Variants in CSMD1 observed in about 807,000 individuals in gnomAD.
CSMD1 encodes CUB and Sushi multiple domains 1, also known as CUB and sushi domain-containing protein 1.
In CSMD1, 213 loss-of-function variants were observed where a neutral mutation model predicts 417.5. The ratio of observed to expected loss-of-function variants is 0.51; its 90% confidence interval spans 0.46 to 0.57. CSMD1 has a LOEUF of 0.57. CSMD1 is among the 20% of genes least tolerant of loss of function. The probability of loss-of-function intolerance (pLI) is 0.00; values close to 1 mark genes in which losing one functional copy is unlikely to be tolerated. For synonymous variants in CSMD1, 2,862 were observed against 1,736.8 expected (o/e 1.65, Z -16.11); for missense variants, 6,923 against 4,529.7 (o/e 1.53, Z -15.17).
intron 23 of CSMD1, among the ~76,000 whole-genome samples, chr8:3,309,342 C>A (rs959645040): frequency 8.2e-6 from 1 of 121,726 alleles, no homozygotes; most frequent in East Asian, 2.0e-4. Context: ...AACTGGCGCT[C>A]CTGAATTACT....
At chr8:4,194,527 C>T (rs992487338) in intron 3 of CSMD1, among the ~76,000 whole-genome samples, 1 of 152,142 alleles carries the variant, frequency 6.6e-6, no homozygotes, top group Non-Finnish European at 1.5e-5. Flanking sequence ...AGCATCTCAA[C>T]AACTATTTTT....
At position 4,221,587 on chromosome 8, in the gene CSMD1, A is replaced by G. The variant is rs989073789; in HGVS notation, c.416-189488T>C. Among the ~76,000 whole-genome samples the G allele has an allele frequency of 7.2e-5, 11 of 152,264 alleles. No homozygotes were observed. In the East Asian group the frequency reaches 1.2e-3, roughly 16 times the overall value. On this transcript the variant is annotated intron_variant, in intron 3 of 69. Coordinates refer to ENST00000635120, the MANE Select transcript of CSMD1 (RefSeq NM_033225.6). ...GATGTGTGTCAAAACATGTGAAAAC[A>G]GTGCTCCAAAAAAAAGACCTCTGAG...
chr8:4,148,057 A>G (rs951476806), intron 3 of CSMD1, among the ~76,000 whole-genome samples: 1 of 152,126 alleles, frequency 6.6e-6, no homozygotes, highest in Non-Finnish European at 1.5e-5. Context: ...GTAAAGAAAT[A>G]TACAAGCAGG....
In CSMD1 at chr8:3,382,639, C is replaced by T. The variant is rs565215052; in HGVS notation, c.2782+4855G>A. The stretch of plus-strand genomic sequence containing the variant: ...TAAATATAAATATAAATATCTCTCT[C>T]TATATAGAGATAGATATAAAATGTA... On this transcript the variant is annotated intron_variant, in intron 18 of 69. Transcript: ENST00000635120. Among the ~76,000 whole-genome samples, 285 of 144,568 alleles carry T rather than the reference C, an allele frequency of 2.0e-3. 1 individual carries two copies. Among genetic ancestry groups the T allele is most frequent in the African/African-American group, 6.8e-3 (272 of 40,046 alleles). 94.8% of individuals were successfully genotyped at this position (144,568 alleles called of 152,430 possible).
At chr8:3,606,283 G>A (rs1270517174) in intron 8 of CSMD1, among the ~76,000 whole-genome samples, 2 of 152,056 alleles carry the variant, frequency 1.3e-5, no homozygotes. Context: ...ACATCACAGA[G>A]GGCCCTTACA....
At chr8:3,223,963 A>AAGACAT in intron 27 of CSMD1, 96 bp from the exon 28 acceptor site, 1 of 1,231,584 alleles carries the variant, frequency 8.1e-7, no homozygotes. Flanking sequence ...CTTTAAGAAA[A>AAGACAT]AGACATCAGC....
chr8:3,452,342 T>C (rs1247859232), intron 12 of CSMD1, among the ~76,000 whole-genome samples: 1 of 152,162 alleles, frequency 6.6e-6, no homozygotes, highest in East Asian at 1.9e-4. Flanking sequence ...GGCCAGAACA[T>C]CCAACTCTAT....
At chr8:3,676,469 T>C (rs1348032533) in intron 7 of CSMD1, among the ~76,000 whole-genome samples, 1 of 152,238 alleles carries the variant, frequency 6.6e-6, no homozygotes, top group Non-Finnish European at 1.5e-5. Context: ...TTACATGTTA[T>C]ATTGTATTTA....
intron 2 of CSMD1, among the ~76,000 whole-genome samples, chr8:4,530,240 A>G (rs1013763904): frequency 7.0e-6 from 1 of 142,016 alleles, no homozygotes. Flanking sequence ...ACTGCATACC[A>G]TGCTCCATTT....
intron 12 of CSMD1, among the ~76,000 whole-genome samples, chr8:3,433,517 C>G (rs1254350858): frequency 1.3e-5 from 2 of 152,036 alleles, no homozygotes; most frequent in East Asian, 1.9e-4. Context: ...TCAAGATCTC[C>G]TTATTATGTA....
chr8:3,245,511 A>G (rs901362475), intron 26 of CSMD1, among the ~76,000 whole-genome samples: 2 of 152,210 alleles, frequency 1.3e-5, no homozygotes, highest in African/African-American at 4.8e-5. Context: ...GCCTCCTGTC[A>G]GCTTTAAGAC....
intron 1 of CSMD1, among the ~76,000 whole-genome samples, chr8:4,970,127 T>C (rs553831673): frequency 4.0e-5 from 6 of 149,428 alleles, no homozygotes; most frequent in South Asian, 4.2e-4. Context: ...AAAAATTCTA[T>C]ACACATTTAG....
At chr8:3,058,683 T>C (rs1189338187) in intron 49 of CSMD1, among the ~76,000 whole-genome samples, 1 of 151,922 alleles carries the variant, frequency 6.6e-6, no homozygotes, top group Non-Finnish European at 1.5e-5. Context: ...GAAGTACATC[T>C]GGGGGAGGGG....
chr8:4,228,256 C>T (rs77049157), intron 3 of CSMD1, among the ~76,000 whole-genome samples: 1,945 of 152,300 alleles, frequency 0.013, 47 homozygotes, highest in African/African-American at 0.045. Context: ...TTCCTGTCAT[C>T]CTTTCCAGTC....
intron 1 of CSMD1, among the ~76,000 whole-genome samples, chr8:4,975,907 G>A (rs917066388): frequency 5.3e-5 from 8 of 152,138 alleles, no homozygotes; most frequent in African/African-American, 1.7e-4. Flanking sequence ...TATTTCCTAT[G>A]TTGCTCACAT....
chr8:3,242,025 C>T lies in CSMD1; in HGVS notation c.4154-11794G>A, dbSNP rs532105772. Among the ~76,000 whole-genome samples, 53 of 74,426 alleles carry T rather than the reference C, an allele frequency of 7.1e-4. 10 individuals carry two copies. Among genetic ancestry groups the T allele is most frequent in the African/African-American group, 1.8e-3 (44 of 24,878 alleles). The allele number at this position is 74,426 out of a possible 152,430, so 48.8% of individuals were successfully genotyped here. A position where few individuals can be genotyped will look rare whatever the true frequency, so the allele number is the denominator to read the frequency against. On this transcript the variant is annotated intron_variant, in intron 26 of 69. Transcript: ENST00000635120. ...AAAGCGTCTCAGGTTTGCTGCCAAA[C>T]GAGCCATGAACTGGGCTGGATTTTT...
At chr8:3,256,595 C>T (rs915662562) in intron 26 of CSMD1, among the ~76,000 whole-genome samples, 9 of 152,200 alleles carry the variant, frequency 5.9e-5, no homozygotes, top group African/African-American at 1.9e-4. Flanking sequence ...GAACCAACAA[C>T]ACTGGCTGTT....
In CSMD1 at chr8:4,437,805, G is replaced by A. The variant is rs1154058; in HGVS notation, c.303-17740C>T. 7.5e-3 allele frequency among the ~76,000 whole-genome samples: 1,143 copies of A among 152,258 alleles called. 10 individuals are homozygous for A. The highest frequency in any genetic ancestry group is 0.025 in the African/African-American group (1,028 of 41,548). On this transcript the variant is annotated intron_variant, in intron 2 of 69. Transcript: ENST00000635120. ...TGTCTCTATGGGAACTTCATAGGCCGTGTTTGGTTGATGGGCTTGTCTGTA... is the reference window on the plus strand; with the variant it reads ...TGTCTCTATGGGAACTTCATAGGCCATGTTTGGTTGATGGGCTTGTCTGTA...
chr8:4,312,764 C>T (rs916573469), intron 3 of CSMD1, among the ~76,000 whole-genome samples: 6 of 152,010 alleles, frequency 3.9e-5, no homozygotes, highest in Non-Finnish European at 8.8e-5. Flanking sequence ...ATCCCAGCTA[C>T]TCCGGAGGCT....
Sources: gnomAD v4.1 joint callset for allele counts (sites outside exome capture counted in the v4.1 genomes callset) on GRCh38, gnomAD v4.1.1 for gene constraint, MANE v1.5 for transcripts, NCBI Gene and HGNC (gene_info 2026-07-23, HGNC 2026-07-21) for gene names.